The following PRKN variants were observed in gnomAD, a reference collection of about 807,000 sequenced individuals.
PRKN encodes the protein E3 ubiquitin-protein ligase parkin.
A neutral mutation model predicts 59.5 loss-of-function variants in PRKN; 56 were observed. The observed-to-expected ratio is 0.94, with a 90% confidence interval of 0.76 to 1.18. The LOEUF is 1.18. Ranked by LOEUF, PRKN falls within the 50% of genes most tolerant of loss-of-function variation. The pLI, the probability that PRKN is intolerant of heterozygous loss-of-function variation, is 0.00. For missense variants in PRKN, 657 were observed against 596.4 expected (o/e 1.10, Z -1.06); for synonymous variants, 250 against 222.1 (o/e 1.13, Z -1.12).
chr6:162,283,585 G>A (rs552680597), intron 2 of PRKN, among the ~76,000 whole-genome samples: 13 of 152,278 alleles, frequency 8.5e-5, no homozygotes, highest in South Asian at 4.1e-4. Flanking sequence ...GCAGTAGCAC[G>A]ATCTCGGCTC....
At chr6:162,219,253 C>A (rs1219247150) in intron 3 of PRKN, among the ~76,000 whole-genome samples, 5 of 152,120 alleles carry the variant, frequency 3.3e-5, no homozygotes, top group African/African-American at 4.8e-5. Context: ...CTGACAGAAA[C>A]TTTCACAAAA....
At chr6:161,638,145 T>C (rs1468979072) in intron 7 of PRKN, among the ~76,000 whole-genome samples, 2 of 152,110 alleles carry the variant, frequency 1.3e-5, no homozygotes, top group African/African-American at 4.8e-5. Flanking sequence ...CTGGTTTTTT[T>C]TTTTCGAGAC....
At chr6:162,155,281 T>C (rs1390014500) in intron 4 of PRKN, among the ~76,000 whole-genome samples, 11 of 152,300 alleles carry the variant, frequency 7.2e-5, no homozygotes, top group African/African-American at 2.6e-4. Context: ...TTTTGCCATA[T>C]TGCTATTTTA....
intron 6 of PRKN, among the ~76,000 whole-genome samples, chr6:161,893,709 A>C (rs1583308738): frequency 6.6e-6 from 1 of 152,332 alleles, no homozygotes; most frequent in South Asian, 2.1e-4. Flanking sequence ...ATAATAACTC[A>C]ACAAATATAA....
At chr6:162,689,535 C>T (rs1777692534) in intron 1 of PRKN, among the ~76,000 whole-genome samples, 1 of 152,150 alleles carries the variant, frequency 6.6e-6, no homozygotes, top group African/African-American at 2.4e-5. Context: ...ATTATGTTGT[C>T]TTTATTGAAT....
chr6:162,168,556 CAAAAA>C (rs771060815), intron 4 of PRKN, among the ~76,000 whole-genome samples: 3 of 47,310 alleles, frequency 6.3e-5, no homozygotes, highest in Non-Finnish European at 7.7e-5. Flanking sequence ...ATCTGTTTTA[CAAAAA>C]AAAAAAAAAA....
chr6:162,048,010 G>C (rs1019860089), intron 5 of PRKN, among the ~76,000 whole-genome samples: 5 of 152,076 alleles, frequency 3.3e-5, no homozygotes, highest in Admixed American at 3.3e-4. Flanking sequence ...ATAGTTTTAA[G>C]TATCTAATTT....
At chr6:162,216,554 A>AC (rs1470761345) in intron 3 of PRKN, among the ~76,000 whole-genome samples, 7 of 150,916 alleles carry the variant, frequency 4.6e-5, no homozygotes, top group East Asian at 2.0e-4. Context: ...AAAAAAAAAA[A>AC]AAAAAAAAAA....
At chr6:162,321,481 A>G (rs913041543) in intron 2 of PRKN, among the ~76,000 whole-genome samples, 3 of 151,978 alleles carry the variant, frequency 2.0e-5, no homozygotes, top group Non-Finnish European at 4.4e-5. Context: ...TTCTACACAA[A>G]TGCTTGAGAA....
intron 1 of PRKN, among the ~76,000 whole-genome samples, chr6:162,579,570 G>A (rs527987768): frequency 6.6e-6 from 1 of 151,620 alleles, no homozygotes; most frequent in East Asian, 1.9e-4. Context: ...TTCACACACA[G>A]ATTTACATAC....
At chr6:161,425,610 T>TC (rs959517208) in intron 9 of PRKN, among the ~76,000 whole-genome samples, 2 of 152,032 alleles carry the variant, frequency 1.3e-5, no homozygotes, top group Admixed American at 1.3e-4. Flanking sequence ...CAAGGACTAG[T>TC]CCCCCTTGGC....
rs1446563405 is a variant in PRKN at position 161,552,893 on chromosome 6, C to T, written c.934-3890G>A. On this transcript the variant is annotated intron_variant, in intron 8 of 11. Transcript: ENST00000366898. This position sits in a 1 kb window ranked among gnomAD's most constrained non-coding sequence, Gnocchi z 4.9. ...GCAACCTTCATCTCTTGGGTTCAAGCGATTCTCCTGCCTCAGCCTCCCGAG... is the reference window on the plus strand; with the variant it reads ...GCAACCTTCATCTCTTGGGTTCAAGTGATTCTCCTGCCTCAGCCTCCCGAG... 2.6e-5 allele frequency among the ~76,000 whole-genome samples: 4 copies of T among 151,052 alleles called. No homozygotes were observed. The highest frequency in any genetic ancestry group is 6.6e-5 in the Admixed American group (1 of 15,124).
Position 161,461,809 on chromosome 6 carries a change from T to A in PRKN, c.1084-74932A>T, listed in dbSNP as rs1372962669. ...ATCCAGTAGGCAATGTGAAGTATAA[T>A]CCAGGAGCTCTAGAGAATGGTCTAG... On this transcript the variant is annotated intron_variant, in intron 9 of 11. Coordinates refer to ENST00000366898, the MANE Select transcript of PRKN (RefSeq NM_004562.3). The surrounding 1 kb of genome is among the most constrained non-coding windows in gnomAD (Gnocchi z 5.1). Among the ~76,000 whole-genome samples the A allele has an allele frequency of 6.6e-6, 1 of 152,094 alleles. No individual in the cohort carries two copies. Among genetic ancestry groups the A allele is most frequent in the Non-Finnish European group, 1.5e-5 (1 of 68,022 alleles).
chr6:161,995,719 C>T (rs1320683337), intron 5 of PRKN, among the ~76,000 whole-genome samples: 2 of 152,046 alleles, frequency 1.3e-5, no homozygotes, highest in African/African-American at 4.8e-5. Flanking sequence ...ATCATCTTAC[C>T]TCAGTATGGC....
chr6:161,547,764 G>A lies in PRKN; in HGVS notation c.1083+1090C>T, dbSNP rs747343675. Among the ~76,000 whole-genome samples the A allele has an allele frequency of 6.6e-6, 1 of 152,178 alleles. No homozygotes were observed. Among genetic ancestry groups the A allele is most frequent in the Non-Finnish European group, 1.5e-5 (1 of 68,034 alleles). On this transcript the variant is annotated intron_variant, in intron 9 of 11. Coordinates refer to ENST00000366898, the MANE Select transcript of PRKN (RefSeq NM_004562.3). This position sits in a 1 kb window ranked among gnomAD's most constrained non-coding sequence, Gnocchi z 4.0. Reference sequence around the variant, plus strand: ...TGGAGAGTGTGTCCTGATTTCCATCGTCTCCAGGGAGAGTAAACACTTGAG... The same window carrying A: ...TGGAGAGTGTGTCCTGATTTCCATCATCTCCAGGGAGAGTAAACACTTGAG...
At chr6:162,043,969 A>C (rs766348429) in intron 5 of PRKN, among the ~76,000 whole-genome samples, 6 of 152,142 alleles carry the variant, frequency 3.9e-5, no homozygotes, top group Non-Finnish European at 7.4e-5. Context: ...CAATAAATAC[A>C]AGAAAAGAGT....
intron 4 of PRKN, among the ~76,000 whole-genome samples, chr6:162,198,945 C>T (rs557892753): frequency 1.3e-5 from 2 of 152,186 alleles, no homozygotes; most frequent in South Asian, 4.2e-4. Context: ...TTTTCCCACA[C>T]AAAGCATATT....
chr6:162,117,470 A>C (rs1386405481), intron 4 of PRKN, among the ~76,000 whole-genome samples: 1 of 152,238 alleles, frequency 6.6e-6, no homozygotes, highest in Non-Finnish European at 1.5e-5. Flanking sequence ...GACTGCGAGA[A>C]AGACCTATGC....
chr6:162,672,924 A>C (rs1400605729), intron 1 of PRKN, among the ~76,000 whole-genome samples: 1 of 152,208 alleles, frequency 6.6e-6, no homozygotes, highest in Non-Finnish European at 1.5e-5. Context: ...TACACTTATA[A>C]GAATATATCT....
Sources: allele counts gnomAD v4.1 joint callset (sites outside exome capture counted in the v4.1 genomes callset), GRCh38; gene constraint gnomAD v4.1.1; non-coding constraint Gnocchi (gnomAD v3.1); transcripts MANE v1.5; gene names NCBI Gene and HGNC (gene_info 2026-07-23, HGNC 2026-07-21).